The following UNC13A variants were observed in gnomAD, a reference collection of about 807,000 sequenced individuals.
UNC13A encodes the protein unc-13 homolog A, also known as protein unc-13 homolog A.
A neutral mutation model predicts 219.7 loss-of-function variants in UNC13A; 61 were observed. The ratio of observed to expected loss-of-function variants is 0.28; its 90% confidence interval spans 0.23 to 0.34. The LOEUF (loss-of-function observed/expected upper bound fraction) is 0.34, where lower values mean the gene tolerates loss of function less well. Among genes scored for constraint, UNC13A ranks in the 10% least tolerant of loss-of-function variants. The pLI, the probability that UNC13A is intolerant of heterozygous loss-of-function variation, is 1.00. For missense variants in UNC13A, 1,476 were observed against 2,270.3 expected (o/e 0.65, Z 7.11); for synonymous variants, 920 against 884.6 (o/e 1.04, Z -0.71).
chr19:17,661,894 T>G (rs2079556679), intron 8 of UNC13A, among the ~76,000 whole-genome samples: 1 of 152,034 alleles, frequency 6.6e-6, no homozygotes, highest in Non-Finnish European at 1.5e-5. Flanking sequence ...TTGCTCCCCA[T>G]CACTCACATT....
chr19:17,658,673 G>T (rs1248881642), intron 8 of UNC13A, among the ~76,000 whole-genome samples: 1 of 152,188 alleles, frequency 6.6e-6, no homozygotes, highest in Non-Finnish European at 1.5e-5. Context: ...GGGGAAGTTG[G>T]AAGAAGATCA....
chr19:17,683,897 T>A (rs897520622), intron 1 of UNC13A, among the ~76,000 whole-genome samples: 3 of 151,916 alleles, frequency 2.0e-5, no homozygotes, highest in Non-Finnish European at 2.9e-5. Context: ...AAGACCAGCC[T>A]GGGCAGCAGG....
At chr19:17,616,615 A>AAG (rs1043305533) in intron 41 of UNC13A, among the ~76,000 whole-genome samples, 1 of 151,908 alleles carries the variant, frequency 6.6e-6, no homozygotes, top group Admixed American at 6.6e-5. Flanking sequence ...GAGGAAAAAC[A>AAG]AGAGAGAGAG....
intron 34 of UNC13A, among the ~76,000 whole-genome samples, chr19:17,625,189 G>C (rs192958673): frequency 3.2e-4 from 48 of 152,308 alleles, no homozygotes; most frequent in Middle Eastern, 6.8e-3. Flanking sequence ...TGGGAGGAAG[G>C]CTTGGGTTTT....
chr19:17,619,054 C>T, intron 38 of UNC13A, 92 bp from the exon 39 acceptor site: 3 of 1,191,302 alleles, frequency 2.5e-6, no homozygotes, highest in Non-Finnish European at 3.7e-6. Context: ...CCCAAAGGCT[C>T]TGGGCAGGGC....
At position 17,617,641 on chromosome 19, in the gene UNC13A, G is replaced by A. The variant is rs1444611099; in HGVS notation, c.4558+61C>T. 197 of 1,594,822 alleles carry A rather than the reference G, an allele frequency of 1.2e-4. 1 individual carries two copies. The highest frequency in any genetic ancestry group is 1.5e-4 in the Non-Finnish European group (176 of 1,165,086). Reference sequence around the variant, plus strand: ...GGAGTGAGCCAATGGCAGCCGTTCAGGCTTGGGGCGGGGCTGTCTCCGCGG... The same window carrying A: ...GGAGTGAGCCAATGGCAGCCGTTCAAGCTTGGGGCGGGGCTGTCTCCGCGG... On this transcript the variant is annotated intron_variant, in intron 41 of 43. Transcript: ENST00000519716.
chr19:17,606,228 G>T lies in UNC13A; in HGVS notation c.4938C>A (p.Arg1646=), dbSNP rs1163946146. The change falls in exon 44 of 44, where the codon CGC becomes CGA. Residue 1646 remains arginine, a synonymous_variant. Coordinates refer to ENST00000519716, the MANE Select transcript of UNC13A (RefSeq NM_001080421.3). The part of the protein sequence containing the change: ...AVLQLRELAQ[R]GSAACWLPLG... ...GCGGCAGCCAGCAGGCGGCGCTCCCGCGCTGGGCCAGCTCACGCAGCTGCA... is the reference window on the plus strand; with the variant it reads ...GCGGCAGCCAGCAGGCGGCGCTCCCTCGCTGGGCCAGCTCACGCAGCTGCA... 6.4e-6 allele frequency: 10 copies of T among 1,551,074 alleles called. No individual in the cohort carries two copies. Among genetic ancestry groups the T allele is most frequent in the Non-Finnish European group, 8.7e-6 (10 of 1,148,704 alleles).
In UNC13A at chr19:17,620,686, G is replaced by C. The variant is rs762776791; in HGVS notation, c.4272+7C>G. 1.2e-6 allele frequency: 2 copies of C among 1,613,006 alleles called. No homozygotes were observed. The highest frequency in any genetic ancestry group is 1.7e-6 in the Non-Finnish European group (2 of 1,179,602). ...GAGCCAGACAGACAGTGAGAGGCCG[G>C]TCTTACGTCTGAGTGGCTTGGCAAT... On this transcript the variant is annotated splice_region_variant and intron_variant, in intron 38 of 43. Coordinates refer to ENST00000519716, the MANE Select transcript of UNC13A (RefSeq NM_001080421.3).
intron 1 of UNC13A, among the ~76,000 whole-genome samples, chr19:17,685,470 A>T (rs2080090004): frequency 6.6e-6 from 1 of 152,088 alleles, no homozygotes; most frequent in Non-Finnish European, 1.5e-5. Flanking sequence ...AAGTGATGAG[A>T]TTACAGGCCT....
intron 34 of UNC13A, among the ~76,000 whole-genome samples, chr19:17,625,916 C>T (rs1042493714): frequency 1.3e-5 from 2 of 150,260 alleles, no homozygotes; most frequent in African/African-American, 2.4e-5. Flanking sequence ...TATCTATTGA[C>T]CTATCCATCC....
intron 1 of UNC13A, among the ~76,000 whole-genome samples, chr19:17,676,409 C>T (rs1438493097): frequency 6.6e-6 from 1 of 152,070 alleles, no homozygotes; most frequent in Non-Finnish European, 1.5e-5. Context: ...CCCCAAGCTC[C>T]CAACTAGCTG....
rs373354477 is a variant in UNC13A, at chr19:17,632,904, G to A, written c.3306C>T (p.His1102=). The A allele has an allele frequency of 4.6e-5, 75 of 1,613,808 alleles. 1 individual carries two copies. Among genetic ancestry groups the A allele is most frequent in the African/African-American group, 5.3e-5 (4 of 74,894 alleles). The change falls in exon 28 of 44, where the codon CAC becomes CAT. Residue 1102 remains histidine (H), a synonymous_variant. Coordinates refer to ENST00000519716, the MANE Select transcript of UNC13A (RefSeq NM_001080421.3). ...CACTCTTGCATAGACGATGCTTGTCGTGCTCTGGCCAGGGACAAAGAGGAT... is the reference window on the plus strand; with the variant it reads ...CACTCTTGCATAGACGATGCTTGTCATGCTCTGGCCAGGGACAAAGAGGAT... ...AQDMKYAMEE[H]DKHRLCKSAD...
In UNC13A at chr19:17,645,855, G is replaced by A. The variant is rs750467395; in HGVS notation, c.2187-12C>T. 6.3e-7 allele frequency: 1 copy of A among 1,598,566 alleles called. No individual in the cohort carries two copies. The highest frequency in any genetic ancestry group is 8.5e-7 in the Non-Finnish European group (1 of 1,172,502). On this transcript the variant is annotated splice_polypyrimidine_tract_variant and intron_variant, in intron 18 of 43. Transcript: ENST00000519716. Reference sequence around the variant, plus strand: ...AATTGTGACATTCACTGTGGCGGGAGGAGGAGGCAGAGGCAGGGGTCAGGC... The same window carrying A: ...AATTGTGACATTCACTGTGGCGGGAAGAGGAGGCAGAGGCAGGGGTCAGGC...
intron 1 of UNC13A, among the ~76,000 whole-genome samples, chr19:17,687,193 G>A (rs2080130247): frequency 6.6e-6 from 1 of 152,182 alleles, no homozygotes; most frequent in South Asian, 2.1e-4. Flanking sequence ...AAGGTGTGGG[G>A]TGGGGGGTCA....
chr19:17,603,937 G>A lies in UNC13A; in HGVS notation c.*2117C>T, dbSNP rs2076494263. The A allele has an allele frequency of 6.6e-6, 1 of 151,992 alleles. No homozygotes were observed. Among genetic ancestry groups the A allele is most frequent in the East Asian group, 1.9e-4 (1 of 5,194 alleles). The allele number at this position is 151,992 out of a possible 1,614,324, so 9.4% of individuals were successfully genotyped here. A position where few individuals can be genotyped will look rare whatever the true frequency, so the allele number is the denominator to read the frequency against. On this transcript the variant is annotated 3_prime_UTR_variant, in exon 44 of 44. Transcript: ENST00000519716. Reference sequence around the variant, plus strand: ...AACAATTCTCCCGCCTCAGTCTCCTGAGTAGCTGGGACTACAGGCATGCAC... The same window carrying A: ...AACAATTCTCCCGCCTCAGTCTCCTAAGTAGCTGGGACTACAGGCATGCAC...
intron 25 of UNC13A, among the ~76,000 whole-genome samples, chr19:17,637,672 A>G (rs2076927130): frequency 6.6e-6 from 1 of 152,310 alleles, no homozygotes; most frequent in Non-Finnish European, 1.5e-5. Context: ...GAACTAAACA[A>G]TCTAATTTAA....
chr19:17,640,885 T>C (rs1385464541), intron 21 of UNC13A, among the ~76,000 whole-genome samples: 3 of 74,124 alleles, frequency 4.0e-5, no homozygotes, highest in African/African-American at 4.2e-5. Flanking sequence ...TCTTTCTTTT[T>C]TTTTTTTTTT....
At chr19:17,652,044 T>C (rs1239277224) in intron 12 of UNC13A, among the ~76,000 whole-genome samples, 1 of 152,178 alleles carries the variant, frequency 6.6e-6, no homozygotes, top group African/African-American at 2.4e-5. Flanking sequence ...AAAATTTTGC[T>C]CCAGGATTAC....
intron 26 of UNC13A, among the ~76,000 whole-genome samples, chr19:17,634,691 C>A (rs2076894422): frequency 6.6e-6 from 1 of 150,684 alleles, no homozygotes; most frequent in Non-Finnish European, 1.5e-5. Flanking sequence ...ATCTGTCCAT[C>A]TGTTATTTAC....
Sources: allele counts gnomAD v4.1 joint callset (sites outside exome capture counted in the v4.1 genomes callset), GRCh38; gene constraint gnomAD v4.1.1; transcripts MANE v1.5; gene names NCBI Gene and HGNC (gene_info 2026-07-23, HGNC 2026-07-21).